The following CDH23 variants were observed in gnomAD, a reference collection of about 807,000 sequenced individuals.
The protein encoded by CDH23 is cadherin-23.
In CDH23, 189 loss-of-function variants were observed where a neutral mutation model predicts 317.1. That is an observed-to-expected ratio of 0.60 (90% CI 0.53 to 0.67). The LOEUF (loss-of-function observed/expected upper bound fraction) is 0.67. Ranked by LOEUF, CDH23 falls within the 30% of genes least tolerant of loss-of-function variation. The pLI, the probability that CDH23 is intolerant of heterozygous loss-of-function variation, is 0.00. For missense variants in CDH23, 4,401 were observed against 4,592.4 expected (o/e 0.96, Z 1.20); for synonymous variants, 1,839 against 1,876.8 (o/e 0.98, Z 0.52).
In CDH23 at chr10:71,805,908, C is replaced by G; in HGVS notation, c.7975C>G (p.Arg2659Gly). 6.2e-7 allele frequency: 1 copy of G among 1,613,454 alleles called. No individual in the cohort carries two copies. The highest frequency in any genetic ancestry group is 8.5e-7 in the Non-Finnish European group (1 of 1,179,720). The change falls in exon 56 of 70, where the codon CGG becomes GGG. Residue 2659 changes from arginine (R) to glycine (G), a missense_variant. Around this residue, in one of 3 missense-constraint regions of CDH23, gnomAD observed 1,144 missense variants for 1,138.2 expected, o/e 1.01. Coordinates refer to ENST00000224721, the MANE Select transcript of CDH23 (RefSeq NM_022124.6). ...CAGCTTCCTGAAGACTGCGGGCAAC[C>G]GGGACTGGGAGTTCTTCATCATCGA... ...RYSFLKTAGN[R>G]DWEFFIIDPI...
At chr10:71,644,241 C>T (rs1288082385) in intron 12 of CDH23, among the ~76,000 whole-genome samples, 1 of 152,220 alleles carries the variant, frequency 6.6e-6, no homozygotes, top group African/African-American at 2.4e-5. Flanking sequence ...TTGCCTGGAC[C>T]CCAGAATTGG....
At chr10:71,412,328 G>A (rs958805750) in intron 1 of CDH23, among the ~76,000 whole-genome samples, 2 of 152,172 alleles carry the variant, frequency 1.3e-5, no homozygotes, top group African/African-American at 4.8e-5. Flanking sequence ...ATACCTAGGT[G>A]TGGAGTTCCT....
At chr10:71,608,803 T>C (rs1350295918) in intron 9 of CDH23, among the ~76,000 whole-genome samples, 1 of 152,150 alleles carries the variant, frequency 6.6e-6, no homozygotes, top group Non-Finnish European at 1.5e-5. Context: ...AGGCGAGAGA[T>C]GCGGGTGGGC....
chr10:71,462,636 G>A (rs1299558920), intron 3 of CDH23, among the ~76,000 whole-genome samples: 1 of 152,230 alleles, frequency 6.6e-6, no homozygotes, highest in African/African-American at 2.4e-5. Context: ...TCTCTTATCT[G>A]TCAGATGGAG....
At chr10:71,761,145 G>C (rs545508585) in intron 38 of CDH23, among the ~76,000 whole-genome samples, 1 of 152,046 alleles carries the variant, frequency 6.6e-6, no homozygotes, top group African/African-American at 2.4e-5. Flanking sequence ...GTGAATACCC[G>C]CTGGTGCCCA....
At chr10:71,626,374 G>A (rs367725080) in intron 11 of CDH23, among the ~76,000 whole-genome samples, 58 of 152,266 alleles carry the variant, frequency 3.8e-4, no homozygotes, top group Non-Finnish European at 5.1e-4. Flanking sequence ...AGCCTTAGCC[G>A]TACACCGTGT....
At chr10:71,736,416 GC>G (rs1278042801) in intron 34 of CDH23, among the ~76,000 whole-genome samples, 2 of 152,222 alleles carry the variant, frequency 1.3e-5, no homozygotes, top group Non-Finnish European at 2.9e-5. Context: ...GTCCCCAGCA[GC>G]CCTGGCCGGC....
In CDH23 at chr10:71,493,561, G is replaced by A. The variant is rs914430756; in HGVS notation, c.146-16521G>A. On this transcript the variant is annotated intron_variant, in intron 3 of 69. Coordinates refer to ENST00000224721, the MANE Select transcript of CDH23 (RefSeq NM_022124.6). ...CCAGTTATTATTTCCCATTCCACTG[G>A]CATCCTTTGAGAGGCTCTCGGAATA... Among the ~76,000 whole-genome samples, 3 of 152,092 alleles carry A rather than the reference G, an allele frequency of 2.0e-5. No individual in the cohort carries two copies. In the East Asian group the frequency reaches 5.8e-4, roughly 29 times the overall value.
intron 19 of CDH23, 132 bp downstream of exon 19, chr10:71,687,851 G>T (rs938065417): frequency 3.6e-6 from 3 of 827,392 alleles, no homozygotes; most frequent in African/African-American, 3.4e-5. Context: ...CCCCGGCCAA[G>T]CTCCTTGACA....
At chr10:71,682,986 A>G (rs1013844814) in intron 18 of CDH23, among the ~76,000 whole-genome samples, 1 of 150,902 alleles carries the variant, frequency 6.6e-6, no homozygotes, top group African/African-American at 2.4e-5. Flanking sequence ...CTCTCTCTCT[A>G]TCCTGCTCTT....
intron 8 of CDH23, among the ~76,000 whole-genome samples, chr10:71,575,231 G>A (rs1307562673): frequency 3.9e-5 from 6 of 152,140 alleles, no homozygotes; most frequent in African/African-American, 9.7e-5. Context: ...AAAAATCCAC[G>A]TGGATGTGCA....
chr10:71,688,199 C>G (rs150597841), intron 19 of CDH23, among the ~76,000 whole-genome samples: 16 of 151,244 alleles, frequency 1.1e-4, no homozygotes, highest in African/African-American at 2.9e-4. Flanking sequence ...GTTTGCAGAC[C>G]CAGCACCACC....
At chr10:71,706,173 G>C (rs976831162) in intron 25 of CDH23, among the ~76,000 whole-genome samples, 12 of 152,208 alleles carry the variant, frequency 7.9e-5, no homozygotes, top group African/African-American at 2.9e-4. Flanking sequence ...GAACCCAAGT[G>C]GGGTGGGGAT....
At chr10:71,739,612 T>G (rs766639270) in intron 35 of CDH23, 32 bp from the exon 36 acceptor site, 4 of 1,607,204 alleles carry the variant, frequency 2.5e-6, no homozygotes, top group Admixed American at 3.4e-5. Flanking sequence ...CCTCCACACC[T>G]GCTCACCCCT....
chr10:71,747,055 C>T lies in CDH23; in HGVS notation c.4845+5134C>T, dbSNP rs1019361114. On this transcript the variant is annotated intron_variant, in intron 38 of 69. Coordinates refer to ENST00000224721, the MANE Select transcript of CDH23 (RefSeq NM_022124.6). The stretch of plus-strand genomic sequence containing the variant: ...CTCACCCTCTGTGGCACCAAGAAGG[C>T]TGGCCTTCCCTGACCCAGCACAAGT... 5.9e-5 allele frequency among the ~76,000 whole-genome samples: 9 copies of T among 152,324 alleles called. No individual in the cohort carries two copies. In the East Asian group the frequency reaches 1.5e-3, roughly 26 times the overall value.
chr10:71,659,886 C>G (rs1408423495), intron 14 of CDH23, among the ~76,000 whole-genome samples: 3 of 151,922 alleles, frequency 2.0e-5, no homozygotes, highest in Admixed American at 6.6e-5. Flanking sequence ...GGATAAAGAC[C>G]GCGTCCTCCA....
At chr10:71,593,300 C>G (rs10999905) in intron 9 of CDH23, among the ~76,000 whole-genome samples, 13,387 of 152,070 alleles carry the variant, frequency 0.088, 751 homozygotes, top group East Asian at 0.24. Flanking sequence ...AAGCAAGATC[C>G]CTACCATACA....
intron 11 of CDH23, among the ~76,000 whole-genome samples, chr10:71,643,556 C>T (rs1467005277): frequency 2.8e-5 from 3 of 107,708 alleles, no homozygotes; most frequent in African/African-American, 8.5e-5. Flanking sequence ...GACAGGAGCC[C>T]TTGCCCCCCC....
At position 71,702,491 on chromosome 10, in the gene CDH23, T is replaced by G. The variant is rs933850643; in HGVS notation, c.2588-58T>G. The G allele has an allele frequency of 2.5e-6, 4 of 1,601,910 alleles. No individual in the cohort carries two copies. In the African/African-American group the frequency reaches 5.4e-5, roughly 21 times the overall value. On this transcript the variant is annotated intron_variant, in intron 23 of 69. Transcript: ENST00000224721. ...TCACCACTTGCCTTCTTCCTGTCCG[T>G]TTTCTCTTGCACCCATCTTACCCTG...
Sources: allele counts gnomAD v4.1 joint callset (sites outside exome capture counted in the v4.1 genomes callset), GRCh38; gene constraint gnomAD v4.1.1; regional missense constraint gnomAD v4.1.1; transcripts MANE v1.5; gene names NCBI Gene and HGNC (gene_info 2026-07-23, HGNC 2026-07-21).